The following PEX5 variants were observed in gnomAD, a reference collection of about 807,000 sequenced individuals.
PEX5 encodes peroxisomal biogenesis factor 5.
PEX5 carries 52 observed loss-of-function variants against 82.9 expected under a neutral mutation model. The observed-to-expected ratio is 0.63, with a 90% CI of 0.50 to 0.79. The LOEUF (loss-of-function observed/expected upper bound fraction) is 0.79. PEX5 is among the 30% of genes least tolerant of loss of function. PEX5 has a pLI of 0.00. For synonymous variants in PEX5, 300 were observed against 318.8 expected (o/e 0.94, Z 0.63); for missense variants, 719 against 815.2 (o/e 0.88, Z 1.44).
downstream of PEX5, among the ~76,000 whole-genome samples, chr12:7,213,663 T>C (rs1384882173): frequency 4.8e-4 from 72 of 148,824 alleles, no homozygotes; most frequent in African/African-American, 1.7e-3. Context: ...GACATAGGCA[T>C]GGGCAAGGAC....
rs989415654 is a variant in PEX5 at position 7,189,746 on chromosome 12, C to G, written c.-21C>G. 14 of 425,636 alleles carry G rather than the reference C, an allele frequency of 3.3e-5. 1 individual carries two copies. Among genetic ancestry groups the G allele is most frequent in the South Asian group, 2.2e-4 (2 of 9,230 alleles). The allele number at this position is 425,636 out of a possible 1,614,324, so 26.4% of individuals were successfully genotyped here. A position where few individuals can be genotyped will look rare whatever the true frequency, so the allele number is the denominator to read the frequency against. On this transcript the variant is annotated 5_prime_UTR_variant, in exon 1 of 16. Coordinates refer to ENST00000675855, the MANE Select transcript of PEX5 (RefSeq NM_001351132.2). ...CCGGCGGGTCGTGCGGCGCGGCGCTCCGCGGTGAGCGCCTGACCCCGAGGG... is the reference window on the plus strand; with the variant it reads ...CCGGCGGGTCGTGCGGCGCGGCGCTGCGCGGTGAGCGCCTGACCCCGAGGG...
Position 7,190,906 on chromosome 12 carries a change from G to C in PEX5, c.166G>C (p.Val56Leu). ...CTCTTAGGCCTCCAAGCCTTTGGGA[G>C]TAGCTTCTGAAGATGAGGTAAATAG... ...ASEAASKPLG[V>L]ASEDELVAEF... Residue 56 changes from valine to leucine, a missense_variant, in exon 3 of 16, where the codon GTA becomes CTA. Physicochemically the swap from Val to Leu is conservative, Grantham distance 32. Coordinates refer to ENST00000675855, the MANE Select transcript of PEX5 (RefSeq NM_001351132.2). 6.2e-7 allele frequency: 1 copy of C among 1,613,462 alleles called. No homozygotes were observed. Among genetic ancestry groups the C allele is most frequent in the African/African-American group, 1.3e-5 (1 of 75,030 alleles).
chr12:7,195,308 G>C (rs774683747), intron 5 of PEX5, among the ~76,000 whole-genome samples: 1 of 152,258 alleles, frequency 6.6e-6, no homozygotes, highest in East Asian at 1.9e-4. Context: ...CCCCTCTGTA[G>C]ACCTTAGTTG....
intron 6 of PEX5, among the ~76,000 whole-genome samples, chr12:7,199,357 C>T (rs754005460): frequency 1.1e-4 from 17 of 150,982 alleles, no homozygotes; most frequent in East Asian, 5.8e-4. Context: ...TGCGGCCTTC[C>T]GCAGTGTTTG....
At chr12:7,211,971 T>G (rs200972310), downstream of PEX5, among the ~76,000 whole-genome samples, 1,524 of 61,602 alleles carry the variant, frequency 0.025, 18 homozygotes, top group African/African-American at 0.057. Context: ...TTTTTTTTGT[T>G]TTTTTTTTTT....
chr12:7,201,994 TCTTC>T, intron 7 of PEX5, 153 bp downstream of exon 7: 1 of 755,994 alleles, frequency 1.3e-6, no homozygotes, highest in Non-Finnish European at 2.3e-6. Context: ...AGATCCTGCC[TCTTC>T]CTTCTAGTGT....
intron 5 of PEX5, among the ~76,000 whole-genome samples, chr12:7,193,690 T>G (rs1941596446): frequency 6.6e-6 from 1 of 152,246 alleles, no homozygotes; most frequent in Admixed American, 6.5e-5. Flanking sequence ...TAGTCATTTT[T>G]GATAATTCAG....
At chr12:7,213,523 A>G (rs890130478), downstream of PEX5, among the ~76,000 whole-genome samples, 395 of 143,610 alleles carry the variant, frequency 2.8e-3, 4 homozygotes, top group African/African-American at 0.01. Context: ...GGCTAGCCAT[A>G]TGTAGAAAGC....
At chr12:7,202,473 T>C (rs1944215048) in intron 8 of PEX5, 122 bp downstream of exon 8, 7 of 1,427,554 alleles carry the variant, frequency 4.9e-6, no homozygotes, top group Admixed American at 1.9e-5. Flanking sequence ...AGCATCCAGG[T>C]CCCAAGTGGG....
intron 9 of PEX5, 29 bp from the exon 10 acceptor site, chr12:7,203,402 CT>C: frequency 6.2e-7 from 1 of 1,600,906 alleles, no homozygotes; most frequent in Admixed American, 1.7e-5. Flanking sequence ...GATGGATCTC[CT>C]TTTTCTATCT....
At chr12:7,200,574 C>T (rs1320087390) in intron 6 of PEX5, among the ~76,000 whole-genome samples, 8 of 151,864 alleles carry the variant, frequency 5.3e-5, no homozygotes, top group South Asian at 4.2e-4. Flanking sequence ...GCCGAGATCA[C>T]GCCACTGCAC....
At position 7,191,874 on chromosome 12, in the gene PEX5, A is replaced by T. The variant is rs114737848; in HGVS notation, c.448+174A>T. On this transcript the variant is annotated intron_variant, in intron 5 of 15. Coordinates refer to ENST00000675855, the MANE Select transcript of PEX5 (RefSeq NM_001351132.2). ...GTGATAACGGAATGTAATGTATATT[A>T]AAGAGAGGACTGGGTTTGTACTGGA... is the stretch of plus-strand genomic sequence containing the variant. Among the ~76,000 whole-genome samples, 835 of 152,324 alleles carry T rather than the reference A, an allele frequency of 5.5e-3. 11 individuals are homozygous for T. The highest frequency in any genetic ancestry group is 0.019 in the African/African-American group (787 of 41,576).
chr12:7,209,092 G>C lies in PEX5; in HGVS notation c.1482G>C (p.Leu494Phe). ...TSIDPDVQCG[L>F]GVLFNLSGEY... ...TTGACCCTGATGTGCAGTGTGGCTT[G>C]GGAGTCCTTTTCAACCTGAGTGGGG... Residue 494 changes from leucine to phenylalanine, a missense_variant, in exon 14 of 16, where the codon TTG becomes TTC. Coordinates refer to ENST00000675855, the MANE Select transcript of PEX5 (RefSeq NM_001351132.2). 6.2e-7 allele frequency: 1 copy of C among 1,614,120 alleles called. No individual in the cohort carries two copies. The highest frequency in any genetic ancestry group is 1.1e-5 in the South Asian group (1 of 91,078).
chr12:7,209,541 A>C, intron 14 of PEX5, 142 bp from the exon 15 acceptor site: 3 of 184,428 alleles, frequency 1.6e-5, no homozygotes, highest in Non-Finnish European at 2.7e-5. Flanking sequence ...ACTGTTGAGA[A>C]TGGAATGGGA....
intron 10 of PEX5, among the ~76,000 whole-genome samples, chr12:7,205,089 G>A (rs1428654027): frequency 6.6e-6 from 1 of 152,096 alleles, no homozygotes; most frequent in African/African-American, 2.4e-5. Flanking sequence ...GAAAACATAG[G>A]GAGAAAGTTT....
intron 14 of PEX5, 123 bp from the exon 15 acceptor site, chr12:7,209,560 G>C: frequency 3.8e-6 from 1 of 261,292 alleles, no homozygotes; most frequent in East Asian, 1.4e-4. Context: ...GACGAAACAT[G>C]TTAGCTAACA....
At chr12:7,216,380 TTAATC>T (rs1384457927), downstream of PEX5, among the ~76,000 whole-genome samples, 1 of 152,178 alleles carries the variant, frequency 6.6e-6, no homozygotes, top group Non-Finnish European at 1.5e-5. Context: ...TAAATTTCAT[TTAATC>T]TAGTATTTTA....
chr12:7,212,464 G>GAAA (rs5796271), downstream of PEX5, among the ~76,000 whole-genome samples: 117 of 96,240 alleles, frequency 1.2e-3, no homozygotes, highest in East Asian at 3.2e-3. Flanking sequence ...AAAGCTGCCA[G>GAAA]AAAAAAAAAA....
At chr12:7,208,717 C>A in intron 13 of PEX5, 48 bp downstream of exon 13, 1 of 1,489,024 alleles carries the variant, frequency 6.7e-7, no homozygotes, top group Non-Finnish European at 9.4e-7. Context: ...AACCTAAGTC[C>A]CAGTAGGAGG....
Sources: allele counts gnomAD v4.1 joint callset (sites outside exome capture counted in the v4.1 genomes callset), GRCh38; gene constraint gnomAD v4.1.1; transcripts MANE v1.5; gene names NCBI Gene and HGNC (gene_info 2026-07-23, HGNC 2026-07-21).